PID1: variants seen among roughly 807,000 people sequenced by gnomAD.
PID1 encodes the protein PTB-containing, cubilin and LRP1-interacting protein.
A neutral mutation model predicts 19.1 loss-of-function variants in PID1; 10 were observed. The observed-to-expected ratio is 0.52, with a 90% CI of 0.32 to 0.89. PID1 has a LOEUF of 0.89. Ranked by LOEUF, PID1 falls within the 40% of genes least tolerant of loss-of-function variation. The pLI is 0.03. For missense variants in PID1, 248 were observed against 285.3 expected (o/e 0.87, Z 0.94); for synonymous variants, 130 against 116.0 (o/e 1.12, Z -0.78).
intron 2 of PID1, among the ~76,000 whole-genome samples, chr2:229,038,938 C>T (rs1693715159): frequency 6.6e-6 from 1 of 152,116 alleles, no homozygotes; most frequent in Admixed American, 6.5e-5. Flanking sequence ...GTAAACAAAC[C>T]TGAAATCTGT....
At chr2:229,057,225 G>T (rs1003936094) in intron 2 of PID1, among the ~76,000 whole-genome samples, 1 of 152,022 alleles carries the variant, frequency 6.6e-6, no homozygotes, top group Non-Finnish European at 1.5e-5. Flanking sequence ...ATTACTTGAG[G>T]TCAGGAGTTC....
At chr2:229,049,089 G>A (rs1693939733) in intron 2 of PID1, among the ~76,000 whole-genome samples, 1 of 152,082 alleles carries the variant, frequency 6.6e-6, no homozygotes, top group Admixed American at 6.6e-5. Flanking sequence ...AGATTTTGAT[G>A]TATATATTAA....
At chr2:229,151,071 A>G (rs1271610236) in intron 2 of PID1, among the ~76,000 whole-genome samples, 2 of 152,110 alleles carry the variant, frequency 1.3e-5, no homozygotes, top group East Asian at 1.9e-4. Flanking sequence ...TCCACTAAGG[A>G]GTGTGTAACA....
At position 229,271,147 on chromosome 2, in the gene PID1, G is replaced by C. The variant is rs963921138; in HGVS notation, c.-104C>G. 7.6e-7 allele frequency: 1 copy of C among 1,311,950 alleles called. No homozygotes were observed. Among genetic ancestry groups the C allele is most frequent in the Admixed American group, 2.2e-5 (1 of 45,316 alleles). 81.3% of individuals were successfully genotyped at this position (1,311,950 alleles called of 1,614,324 possible). A position where few individuals can be genotyped will look rare whatever the true frequency, so the allele number is the denominator to read the frequency against. The stretch of plus-strand genomic sequence containing the variant: ...CTTTACATCTGGGGTCGGTGTCCGC[G>C]GGATGTGCGTCCTGGCGCTGGCCAC... On this transcript the variant is annotated 5_prime_UTR_variant, in exon 1 of 3. Transcript: ENST00000392055.
chr2:229,122,364 G>C (rs1281956853), intron 2 of PID1, among the ~76,000 whole-genome samples: 1 of 152,168 alleles, frequency 6.6e-6, no homozygotes, highest in Non-Finnish European at 1.5e-5. Context: ...CTCTGGTAGG[G>C]AAAAGTCCAG....
In PID1 at chr2:229,166,082, C is replaced by T. The variant is rs138620544; in HGVS notation, c.31-10118G>A. On this transcript the variant is annotated intron_variant, in intron 1 of 2. Coordinates refer to ENST00000392055, the MANE Select transcript of PID1 (RefSeq NM_001100818.2). Reference sequence around the variant, plus strand: ...TAGAAACAACCTAAATGTTTCTCATCAAGCGAATGGACAAACTGTGGTATA... The same window carrying T: ...TAGAAACAACCTAAATGTTTCTCATTAAGCGAATGGACAAACTGTGGTATA... Among the ~76,000 whole-genome samples the T allele has an allele frequency of 5.5e-3, 835 of 152,292 alleles. 13 individuals are homozygous for T. The highest frequency in any genetic ancestry group is 0.012 in the Admixed American group (178 of 15,296).
intron 2 of PID1, among the ~76,000 whole-genome samples, chr2:229,084,335 T>A (rs1694723860): frequency 1.3e-5 from 2 of 152,176 alleles, no homozygotes; most frequent in Non-Finnish European, 2.9e-5. Flanking sequence ...TCATACAAAG[T>A]GGAAATTTTC....
At chr2:229,045,042 C>T (rs1227321529) in intron 2 of PID1, among the ~76,000 whole-genome samples, 2 of 152,168 alleles carry the variant, frequency 1.3e-5, no homozygotes, top group Middle Eastern at 3.4e-3. Flanking sequence ...CAACCTCTGC[C>T]TCCCAGATTC....
intron 1 of PID1, among the ~76,000 whole-genome samples, chr2:229,231,532 T>C (rs1239646052): frequency 6.6e-6 from 1 of 152,086 alleles, no homozygotes; most frequent in Non-Finnish European, 1.5e-5. Context: ...TCAAGGCAAG[T>C]ACTATCAGCC....
At chr2:229,229,391 C>T (rs1173772699) in intron 1 of PID1, among the ~76,000 whole-genome samples, 1 of 152,050 alleles carries the variant, frequency 6.6e-6, no homozygotes, top group Admixed American at 6.6e-5. Context: ...TGCATTGCCC[C>T]CCAAAAATAA....
chr2:229,255,927 T>C (rs1207736593), intron 1 of PID1, among the ~76,000 whole-genome samples: 3 of 152,314 alleles, frequency 2.0e-5, no homozygotes, highest in East Asian at 1.9e-4. Flanking sequence ...TTGGCCTCCA[T>C]GCACCTGCAG....
chr2:229,155,823 A>G lies in PID1; in HGVS notation c.172T>C (p.Cys58Arg). The change falls in exon 2 of 3, where the codon TGC becomes CGC. Residue 58 changes from cysteine (C) to arginine (R), a missense_variant. Cys to Arg is a radical substitution (Grantham distance 180). Transcript: ENST00000392055. The part of the protein sequence containing the change: ...PLMKTRTHSG[C>R]KVTYLGKVST... ...GCTGGCCACGTGCCCCATACCTTGC[A>G]GCCACTGTGAGTCCTTGTCTTCATC... The G allele has an allele frequency of 6.2e-7, 1 of 1,611,158 alleles. No homozygotes were observed. The highest frequency in any genetic ancestry group is 8.5e-7 in the Non-Finnish European group (1 of 1,178,656).
At chr2:229,073,046 G>T (rs1694488404) in intron 2 of PID1, among the ~76,000 whole-genome samples, 1 of 152,130 alleles carries the variant, frequency 6.6e-6, no homozygotes, top group Admixed American at 6.5e-5. Context: ...ATTTTTTTGA[G>T]ACGGAGTCTC....
chr2:229,061,456 T>C (rs1694210523), intron 2 of PID1, among the ~76,000 whole-genome samples: 1 of 152,056 alleles, frequency 6.6e-6, no homozygotes, highest in African/African-American at 2.4e-5. Context: ...TTTTGTTCCA[T>C]TAGCCAATGT....
intron 2 of PID1, among the ~76,000 whole-genome samples, chr2:229,064,352 T>G (rs1244103052): frequency 6.6e-6 from 1 of 152,072 alleles, no homozygotes; most frequent in African/African-American, 2.4e-5. Context: ...GGTGGGGATT[T>G]GACTGAGTGG....
chr2:229,183,785 C>T (rs1372797510), intron 1 of PID1, among the ~76,000 whole-genome samples: 6 of 151,638 alleles, frequency 4.0e-5, no homozygotes, highest in Admixed American at 3.9e-4. Context: ...AGCTTGCCAA[C>T]TGTAGATCTC....
intron 1 of PID1, among the ~76,000 whole-genome samples, chr2:229,267,230 T>C (rs138418615): frequency 7.9e-5 from 12 of 152,346 alleles, no homozygotes; most frequent in African/African-American, 2.6e-4. Context: ...CTCCCTACTC[T>C]TCACTGTGTT....
rs143763490 is a variant in PID1 at position 229,186,291 on chromosome 2, C to T, written c.31-30327G>A. 2.1e-3 allele frequency among the ~76,000 whole-genome samples: 314 copies of T among 152,234 alleles called. 2 individuals are homozygous for T. The highest frequency in any genetic ancestry group is 7.3e-3 in the African/African-American group (302 of 41,530). ...AGTGTCTGCTGCTTTTCCAGGTGCA[C>T]GATACAAGCTGTCGGTGGATCTACC... is the stretch of plus-strand genomic sequence containing the variant. On this transcript the variant is annotated intron_variant, in intron 1 of 2. Coordinates refer to ENST00000392055, the MANE Select transcript of PID1 (RefSeq NM_001100818.2).
chr2:229,242,950 G>T (rs1416276161), intron 1 of PID1, among the ~76,000 whole-genome samples: 1 of 152,042 alleles, frequency 6.6e-6, no homozygotes, highest in Non-Finnish European at 1.5e-5. Flanking sequence ...TCTTCCCTAT[G>T]CCTAGGGTAA....
Sources: gnomAD v4.1 joint callset for allele counts (sites outside exome capture counted in the v4.1 genomes callset) on GRCh38, gnomAD v4.1.1 for gene constraint, MANE v1.5 for transcripts, NCBI Gene and HGNC (gene_info 2026-07-23, HGNC 2026-07-21) for gene names.